FAM20A: variants seen among roughly 807,000 people sequenced by gnomAD.
The protein encoded by FAM20A is FAM20A golgi associated secretory pathway pseudokinase, also known as pseudokinase FAM20A.
A neutral mutation model predicts 52.0 loss-of-function variants in FAM20A; 42 were observed. The observed-to-expected ratio is 0.81, with a 90% CI of 0.63 to 1.04. FAM20A has a LOEUF of 1.04. FAM20A is among the 50% of genes least tolerant of loss of function. The pLI, the probability that FAM20A is intolerant of heterozygous loss-of-function variation, is 0.00. For synonymous variants in FAM20A, 304 were observed against 298.9 expected (o/e 1.02, Z -0.18); for missense variants, 742 against 712.7 (o/e 1.04, Z -0.47).
chr17:68,598,400 G>A (rs1353255653), intron 1 of FAM20A, among the ~76,000 whole-genome samples: 1 of 152,168 alleles, frequency 6.6e-6, no homozygotes, highest in Non-Finnish European at 1.5e-5. Flanking sequence ...TGGAAGGAGA[G>A]TGTTCTCTGC....
At chr17:68,551,988 G>A (rs376979878) in intron 3 of FAM20A, 37 bp from the exon 4 acceptor site, 65 of 1,397,804 alleles carry the variant, frequency 4.7e-5, no homozygotes, top group Admixed American at 7.7e-5. Context: ...CCATGCTTCC[G>A]GGCCTCAGCC....
intron 1 of FAM20A, among the ~76,000 whole-genome samples, chr17:68,593,060 C>T (rs1003346723): frequency 2.6e-5 from 4 of 152,194 alleles, no homozygotes; most frequent in African/African-American, 7.2e-5. Context: ...AGTGACAGGG[C>T]ACAAAAAGAG....
At chr17:68,580,471 G>C (rs2087911809) in intron 1 of FAM20A, among the ~76,000 whole-genome samples, 1 of 152,166 alleles carries the variant, frequency 6.6e-6, no homozygotes, top group African/African-American at 2.4e-5. Context: ...TGCACCTCTT[G>C]TTTCCACTCC....
chr17:68,596,129 C>T (rs1390332947), intron 1 of FAM20A, among the ~76,000 whole-genome samples: 1 of 151,970 alleles, frequency 6.6e-6, no homozygotes, highest in East Asian at 1.9e-4. Context: ...AGACCCAGGA[C>T]TAGGTTTTCT....
chr17:68,597,045 C>G (rs150341402), intron 1 of FAM20A, among the ~76,000 whole-genome samples: 1 of 152,242 alleles, frequency 6.6e-6, no homozygotes, highest in African/African-American at 2.4e-5. Flanking sequence ...AAACCCAAGA[C>G]ATTCAAAACT....
At chr17:68,579,518 CT>C (rs2087882882) in intron 1 of FAM20A, among the ~76,000 whole-genome samples, 1 of 152,090 alleles carries the variant, frequency 6.6e-6, no homozygotes, top group South Asian at 2.1e-4. Context: ...TGCTATGTTA[CT>C]TTGATTTTTG....
rs923948948 is a variant in FAM20A, at chr17:68,536,017, C to T, written c.*1460G>A. The T allele has an allele frequency of 4.4e-6, 2 of 454,120 alleles. No homozygotes were observed. Among genetic ancestry groups the T allele is most frequent in the Non-Finnish European group, 8.8e-6 (2 of 226,794 alleles). The allele number at this position is 454,120 out of a possible 1,614,324, so 28.1% of individuals were successfully genotyped here. A position where few individuals can be genotyped will look rare whatever the true frequency, so the allele number is the denominator to read the frequency against. On this transcript the variant is annotated 3_prime_UTR_variant, in exon 11 of 11. Transcript: ENST00000592554. ...GAGAGGATTGGAAACCTGTGTGTTGCTTCTGTAGCGTTGGTGAGTGCCTCA... is the reference window on the plus strand; with the variant it reads ...GAGAGGATTGGAAACCTGTGTGTTGTTTCTGTAGCGTTGGTGAGTGCCTCA...
In FAM20A at chr17:68,557,197, CT is replaced by C. The variant is rs112833973; in HGVS notation, c.405-1455del. Among the ~76,000 whole-genome samples the C allele has an allele frequency of 3.6e-3, 514 of 143,738 alleles. 4 individuals are homozygous for C. The highest frequency in any genetic ancestry group is 0.014 in the Middle Eastern group (4 of 284). The allele number at this position is 143,738 out of a possible 152,430, so 94.3% of individuals were successfully genotyped here. A position where few individuals can be genotyped will look rare whatever the true frequency, so the allele number is the denominator to read the frequency against. On this transcript the variant is annotated intron_variant, in intron 1 of 10. Transcript: ENST00000592554. ...CCTGGGCGACAGAGCGAGACTCTGACTTTAAAAAAAAAAAAATTACTTTTCT... is the reference window on the plus strand; with the variant it reads ...CCTGGGCGACAGAGCGAGACTCTGACTTAAAAAAAAAAAAATTACTTTTCT...
At position 68,536,854 on chromosome 17, in the gene FAM20A, C is replaced by A; in HGVS notation, c.*623G>T. On this transcript the variant is annotated 3_prime_UTR_variant, in exon 11 of 11. Coordinates refer to ENST00000592554, the MANE Select transcript of FAM20A (RefSeq NM_017565.4). ...AACACTCCTTTTCTGATATTCTTAG[C>A]AAATCCCTCTTTTATTTTTGCCACT... 4.4e-6 allele frequency: 2 copies of A among 454,088 alleles called. No individual in the cohort carries two copies. The highest frequency in any genetic ancestry group is 4.4e-6 in the Non-Finnish European group (1 of 226,786). 28.1% of individuals were successfully genotyped at this position (454,088 alleles called of 1,614,324 possible).
At chr17:68,548,476 G>A (rs973623822) in intron 4 of FAM20A, among the ~76,000 whole-genome samples, 2 of 151,980 alleles carry the variant, frequency 1.3e-5, no homozygotes, top group African/African-American at 2.4e-5. Flanking sequence ...GTTGCAGCGA[G>A]CTGAGATTGA....
intron 8 of FAM20A, 35 bp downstream of exon 8, chr17:68,540,814 C>A: frequency 6.4e-7 from 1 of 1,567,480 alleles, no homozygotes; most frequent in Non-Finnish European, 8.7e-7. Flanking sequence ...ATAGCAGAGC[C>A]CACTTCTGCT....
intron 3 of FAM20A, 49 bp downstream of exon 3, chr17:68,554,728 C>T (rs779709278): frequency 4.4e-6 from 7 of 1,585,044 alleles, no homozygotes; most frequent in Non-Finnish European, 6.0e-6. Context: ...GGGGTTTGCA[C>T]AGCTGTGAGG....
chr17:68,539,899 A>C lies in FAM20A; in HGVS notation c.1287T>G (p.Leu429=), dbSNP rs2143461710. 1 of 1,614,142 alleles carries C rather than the reference A, an allele frequency of 6.2e-7. No homozygotes were observed. ...GGGAAGCTCACCCTCTGGCGTTGTC[A>C]AGGTGAATAAGGAACCCATCATCCC... ...KFGDDGFLIH[L]DNARGFGRHS... The change falls in exon 9 of 11, where the codon CTT becomes CTG. Residue 429 remains leucine (L), a synonymous_variant. Coordinates refer to ENST00000592554, the MANE Select transcript of FAM20A (RefSeq NM_017565.4).
Position 68,555,622 on chromosome 17 carries a change from G to C in FAM20A, c.526C>G (p.Arg176Gly), listed in dbSNP as rs149777674. The C allele has an allele frequency of 1.9e-4, 299 of 1,613,692 alleles. No individual in the cohort carries two copies. Among genetic ancestry groups the C allele is most frequent in the Non-Finnish European group, 2.4e-4 (283 of 1,180,040 alleles). ...LGINRHGLYS[R>G]SSPVVSKLLQ... ...AGTTTGCTGACAACAGGGCTGGACC[G>C]GGAGTAGAGCCCATGGCGGTTAATA... The change falls in exon 2 of 11, where the codon CGG (arginine) becomes GGG (glycine). Residue 176 changes from arginine to glycine, a missense_variant. Coordinates refer to ENST00000592554, the MANE Select transcript of FAM20A (RefSeq NM_017565.4).
At chr17:68,558,730 T>C (rs921205864) in intron 1 of FAM20A, among the ~76,000 whole-genome samples, 1 of 152,114 alleles carries the variant, frequency 6.6e-6, no homozygotes, top group Non-Finnish European at 1.5e-5. Context: ...TTCCTTCCCT[T>C]CCTTCCTCCC....
chr17:68,542,130 T>C lies in FAM20A; in HGVS notation c.964A>G (p.Met322Val), dbSNP rs368814272. 7 of 1,613,934 alleles carry C rather than the reference T, an allele frequency of 4.3e-6. No individual in the cohort carries two copies. Among genetic ancestry groups the C allele is most frequent in the African/African-American group, 1.3e-5 (1 of 74,904 alleles). Residue 322 changes from methionine (M) to valine (V), a missense_variant, in exon 7 of 11, where the codon ATG (methionine) becomes GTG (valine). Met to Val is a conservative substitution (Grantham distance 21). Coordinates refer to ENST00000592554, the MANE Select transcript of FAM20A (RefSeq NM_017565.4). ...NVCFFAKCPY[M>V]CKTEYAVCGN... The stretch of plus-strand genomic sequence containing the variant: ...CAGACAGCATACTCCGTCTTGCACA[T>C]GTATGGACACTTGGCGAAGAAGCAC...
At position 68,541,788 on chromosome 17, in the gene FAM20A, AG is replaced by A. The variant is rs2086308692; in HGVS notation, c.1109+196del. 4 of 606,586 alleles carry A rather than the reference AG, an allele frequency of 6.6e-6. No homozygotes were observed. The South Asian group carries it at 9.0e-5, about 14-fold the overall frequency. 37.6% of individuals were successfully genotyped at this position (606,586 alleles called of 1,614,324 possible). ...TAACACCTAGTGTTGGGTATATGGA[AG>A]GTTCTTTAGAACTGAATAAATGAAC... On this transcript the variant is annotated intron_variant, in intron 7 of 10. Transcript: ENST00000592554.
rs750853061 is a variant in FAM20A, at chr17:68,540,845, C to T, written c.1219+4G>A. 3 of 1,594,356 alleles carry T rather than the reference C, an allele frequency of 1.9e-6. No individual in the cohort carries two copies. The highest frequency in any genetic ancestry group is 2.6e-6 in the Non-Finnish European group (3 of 1,169,722). On this transcript the variant is annotated splice_donor_region_variant and intron_variant, in intron 8 of 10. Coordinates refer to ENST00000592554, the MANE Select transcript of FAM20A (RefSeq NM_017565.4). Reference sequence around the variant, plus strand: ...CTGCTGGGGGCCTGCGTGTGGGGACCTACCTATCAAGAAGTCGAAGATGGC... The same window carrying T: ...CTGCTGGGGGCCTGCGTGTGGGGACTTACCTATCAAGAAGTCGAAGATGGC...
At chr17:68,556,308 G>T (rs1317967043) in intron 1 of FAM20A, among the ~76,000 whole-genome samples, 1 of 152,062 alleles carries the variant, frequency 6.6e-6, no homozygotes, top group Non-Finnish European at 1.5e-5. Flanking sequence ...TGCTTGGGTA[G>T]CCTTTTCTCC....
Sources: allele counts gnomAD v4.1 joint callset (sites outside exome capture counted in the v4.1 genomes callset), GRCh38; gene constraint gnomAD v4.1.1; transcripts MANE v1.5; gene names NCBI Gene and HGNC (gene_info 2026-07-23, HGNC 2026-07-21).